The following RAP1GAP variants were observed in gnomAD, a reference collection of about 807,000 sequenced individuals.
The protein encoded by RAP1GAP is RAP1 GTPase activating protein.
Under a neutral mutation model 87.2 loss-of-function variants are expected in RAP1GAP, and 35 were observed. The ratio of observed to expected loss-of-function variants is 0.40; its 90% CI spans 0.31 to 0.53. The LOEUF is 0.53. Among genes scored for constraint, RAP1GAP ranks in the 20% least tolerant of loss-of-function variants. RAP1GAP has a pLI of 0.48. For synonymous variants in RAP1GAP, 375 were observed against 363.9 expected (o/e 1.03, Z -0.35); for missense variants, 734 against 898.9 (o/e 0.82, Z 2.35).
intron 1 of RAP1GAP, among the ~76,000 whole-genome samples, chr1:21,652,326 C>T (rs2096641085): frequency 6.6e-6 from 1 of 152,250 alleles, no homozygotes; most frequent in African/African-American, 2.4e-5. Flanking sequence ...TCCCGCCGGC[C>T]TCCTAGGACC....
Position 21,615,775 on chromosome 1 carries a change from T to G in RAP1GAP, c.291+1531A>C, listed in dbSNP as rs1043492950. Reference sequence around the variant, plus strand: ...ACCTTCATCTGTTCCTACCTTCATCTGTCACTTGTCACTCTTTCAACAAAC... The same window carrying G: ...ACCTTCATCTGTTCCTACCTTCATCGGTCACTTGTCACTCTTTCAACAAAC... On this transcript the variant is annotated intron_variant, in intron 7 of 24. Transcript: ENST00000374765. This position sits in a 1 kb window ranked among gnomAD's most constrained non-coding sequence, Gnocchi z 4.5. 1.3e-5 allele frequency among the ~76,000 whole-genome samples: 2 copies of G among 152,196 alleles called. No individual in the cohort carries two copies. Among genetic ancestry groups the G allele is most frequent in the Non-Finnish European group, 1.5e-5 (1 of 68,034 alleles).
Position 21,599,517 on chromosome 1 carries a change from C to T in RAP1GAP, c.1753G>A (p.Val585Met), listed in dbSNP as rs368726767. 1.6e-5 allele frequency: 25 copies of T among 1,609,488 alleles called. No individual in the cohort carries two copies. Among genetic ancestry groups the T allele is most frequent in the Non-Finnish European group, 2.0e-5 (24 of 1,179,974 alleles). ...ACCAGGCCTGTGTCCTCTCCGTCCA[C>T]ACCCTCCGTCTCCTCCACCACGCTG... ...FASVVEETEG[V>M]DGEDTGLESV... is the part of the protein sequence containing the mutation. The change falls in exon 21 of 25, where the codon GTG (valine) becomes ATG (methionine). Residue 585 changes from valine to methionine, a missense_variant. Physicochemically the swap from Val to Met is conservative, Grantham distance 21. This residue lies in a region of RAP1GAP where 249 missense variants were observed against 252.7 expected (regional missense o/e 0.99). Coordinates refer to ENST00000374765, the MANE Select transcript of RAP1GAP (RefSeq NM_002885.4).
At chr1:21,617,995 G>C in intron 5 of RAP1GAP, 23 bp from the exon 6 acceptor site, 2 of 1,614,008 alleles carry the variant, frequency 1.2e-6, no homozygotes, top group South Asian at 2.2e-5. Flanking sequence ...AACAGGGCAA[G>C]GGTCTCTCCA....
intron 5 of RAP1GAP, 32 bp downstream of exon 5, chr1:21,618,993 A>G (rs1182973741): frequency 1.9e-6 from 3 of 1,576,366 alleles, no homozygotes; most frequent in South Asian, 2.3e-5. Flanking sequence ...TCCACCCCCT[A>G]GAGAGGGAGG....
At position 21,631,579 on chromosome 1, in the gene RAP1GAP, G is replaced by A. The variant is rs139473074; in HGVS notation, c.-112-5182C>T. 2.4e-4 allele frequency among the ~76,000 whole-genome samples: 36 copies of A among 152,254 alleles called. No homozygotes were observed. In the East Asian group the frequency reaches 7.0e-3, roughly 29 times the overall value. On this transcript the variant is annotated intron_variant, in intron 2 of 24. Transcript: ENST00000374765. ...CACGCGCCTGTAATCCTAGCTACTT[G>A]GGAGGCTGAGGCAGGAGAATCGCTT...
At position 21,612,160 on chromosome 1, in the gene RAP1GAP, G is replaced by A. The variant is rs182646907; in HGVS notation, c.529-51C>T. On this transcript the variant is annotated intron_variant, in intron 10 of 24. Transcript: ENST00000374765. ...AGGCTGCGTGTGCAAGCTGCCATTC[G>A]ACGTGCTCTTCCCCCGTGCCAAGCA... 284 of 1,398,526 alleles carry A rather than the reference G, an allele frequency of 2.0e-4. No homozygotes were observed. In the African/African-American group the frequency reaches 3.4e-3, roughly 17 times the overall value. 86.6% of individuals were successfully genotyped at this position (1,398,526 alleles called of 1,614,324 possible).
rs555110955 is a variant in RAP1GAP, at chr1:21,627,198, C to T, written c.-112-801G>A. The stretch of plus-strand genomic sequence containing the variant: ...GGGCTGGGCAAGCAGGCCTGGCTTC[C>T]GCTGCTGCCTAGGGCCACCCTGACG... On this transcript the variant is annotated intron_variant, in intron 2 of 24. Coordinates refer to ENST00000374765, the MANE Select transcript of RAP1GAP (RefSeq NM_002885.4). 3.3e-5 allele frequency among the ~76,000 whole-genome samples: 5 copies of T among 152,314 alleles called. No homozygotes were observed. In the East Asian group the frequency reaches 5.8e-4, roughly 18 times the overall value.
chr1:21,600,246 C>G (rs921659498), intron 20 of RAP1GAP, among the ~76,000 whole-genome samples: 3 of 152,222 alleles, frequency 2.0e-5, no homozygotes, highest in Non-Finnish European at 2.9e-5. Context: ...GCCTAGGGCT[C>G]TCGCTCCAGG....
intron 7 of RAP1GAP, among the ~76,000 whole-genome samples, chr1:21,614,381 G>C (rs1057337877): frequency 1.3e-5 from 2 of 152,242 alleles, no homozygotes; most frequent in Non-Finnish European, 2.9e-5. Flanking sequence ...GGGATGAAGT[G>C]CTTGGCTCAG....
At chr1:21,654,144 G>T (rs574434060) in intron 1 of RAP1GAP, among the ~76,000 whole-genome samples, 149 of 152,314 alleles carry the variant, frequency 9.8e-4, no homozygotes, top group Non-Finnish European at 1.9e-3. Context: ...CTTGGCCAGG[G>T]TTGCAGCAGG....
rs1285897994 is a variant in RAP1GAP, at chr1:21,620,059, G to A, written c.-18-9C>T. ...TCAAATAGATCTGTGTTCTGCAACA[G>A]AGACAGGGGAGAGCGAGGTCAGCTG... On this transcript the variant is annotated splice_polypyrimidine_tract_variant and intron_variant, in intron 3 of 24. Transcript: ENST00000374765. 3 of 1,613,682 alleles carry A rather than the reference G, an allele frequency of 1.9e-6. No individual in the cohort carries two copies. The highest frequency in any genetic ancestry group is 1.1e-5 in the South Asian group (1 of 91,084).
chr1:21,608,028 G>A (rs759836596), intron 17 of RAP1GAP, among the ~76,000 whole-genome samples, 185 bp downstream of exon 17: 14 of 150,180 alleles, frequency 9.3e-5, no homozygotes, highest in Non-Finnish European at 1.0e-4. Flanking sequence ...ACTCCAATGC[G>A]AACGGCCTCT....
chr1:21,620,110 C>G (rs1162210006), intron 3 of RAP1GAP, 60 bp from the exon 4 acceptor site: 2 of 1,596,880 alleles, frequency 1.3e-6, no homozygotes, highest in Non-Finnish European at 1.7e-6. Context: ...AGAGGAGTCT[C>G]CACCCGCCCC....
At chr1:21,600,895 A>AAAAAAAAAAAAC (rs2067765291) in intron 20 of RAP1GAP, among the ~76,000 whole-genome samples, 1 of 149,944 alleles carries the variant, frequency 6.7e-6, no homozygotes, top group Non-Finnish European at 1.5e-5. Context: ...AAAAAAAAAA[A>AAAAAAAAAAAAC]AAAAGTCAAA....
In RAP1GAP at chr1:21,638,447, A is replaced by T. The variant is rs1490446228; in HGVS notation, c.-113+11314T>A. Among the ~76,000 whole-genome samples, 4 of 119,318 alleles carry T rather than the reference A, an allele frequency of 3.4e-5. No homozygotes were observed. In the East Asian group the frequency reaches 1.0e-3, roughly 30 times the overall value. The allele number at this position is 119,318 out of a possible 152,430, so 78.3% of individuals were successfully genotyped here. On this transcript the variant is annotated intron_variant, in intron 2 of 24. Coordinates refer to ENST00000374765, the MANE Select transcript of RAP1GAP (RefSeq NM_002885.4). ...ACTCCAGCCTGGGCGACAGAGCAAG[A>T]CTCTGTCTCAAAAAAAAAAAAAAAA... is the stretch of plus-strand genomic sequence containing the variant.
chr1:21,611,301 T>C, intron 13 of RAP1GAP, 151 bp downstream of exon 13: 1 of 1,173,826 alleles, frequency 8.5e-7, no homozygotes, highest in Non-Finnish European at 1.2e-6. Flanking sequence ...CTGTCTCCCC[T>C]GACCCAACGA....
intron 2 of RAP1GAP, among the ~76,000 whole-genome samples, chr1:21,627,786 G>GCCCC (rs777344433): frequency 3.4e-4 from 52 of 152,230 alleles, no homozygotes; most frequent in Admixed American, 8.5e-4. Context: ...ACCATCCACA[G>GCCCC]CCCCACTTAT....
chr1:21,622,333 C>A lies in RAP1GAP; in HGVS notation c.-18-2283G>T. 2.0e-6 allele frequency: 1 copy of A among 495,396 alleles called. No individual in the cohort carries two copies. Among genetic ancestry groups the A allele is most frequent in the South Asian group, 2.9e-5 (1 of 35,018 alleles). 30.7% of individuals were successfully genotyped at this position (495,396 alleles called of 1,614,324 possible). On this transcript the variant is annotated intron_variant, in intron 3 of 24. Transcript: ENST00000374765. This position sits in a 1 kb window ranked among gnomAD's most constrained non-coding sequence, Gnocchi z 5.7. ...CTCCGCCATGCCGCCCCGCCCGGGT[C>A]CTCACCTGCCAGCTGGCCCCCGCGG...
intron 2 of RAP1GAP, among the ~76,000 whole-genome samples, chr1:21,638,313 C>T (rs374742889): frequency 2.3e-4 from 35 of 151,968 alleles, no homozygotes; most frequent in African/African-American, 6.0e-4. Flanking sequence ...CAAAATCAGC[C>T]GGACATGGTA....
Sources: allele counts gnomAD v4.1 joint callset (sites outside exome capture counted in the v4.1 genomes callset), GRCh38; gene constraint gnomAD v4.1.1; regional missense constraint gnomAD v4.1.1; non-coding constraint Gnocchi (gnomAD v3.1); transcripts MANE v1.5; gene names NCBI Gene and HGNC (gene_info 2026-07-23, HGNC 2026-07-21).